RORA: variants seen among roughly 807,000 people sequenced by gnomAD.
RORA encodes the protein nuclear receptor ROR-alpha.
RORA carries 7 observed loss-of-function variants against 69.5 expected under a neutral mutation model. That is an observed-to-expected ratio of 0.10 (90% confidence interval 0.06 to 0.19). The LOEUF is 0.19. Ranked by LOEUF, RORA falls within the 10% of genes least tolerant of loss-of-function variation. The pLI is 1.00. For synonymous variants in RORA, 261 were observed against 240.8 expected (o/e 1.08, Z -0.78); for missense variants, 457 against 663.0 (o/e 0.69, Z 3.41).
intron 1 of RORA, among the ~76,000 whole-genome samples, chr15:61,150,833 A>AT (rs1171208705): frequency 2.6e-5 from 4 of 152,154 alleles, no homozygotes; most frequent in Non-Finnish European, 5.9e-5. Flanking sequence ...GAAAATTGCC[A>AT]TTTCTCTACT....
chr15:60,699,369 GA>G (rs2070950076), intron 1 of RORA, among the ~76,000 whole-genome samples: 1 of 152,014 alleles, frequency 6.6e-6, no homozygotes, highest in African/African-American at 2.4e-5. Context: ...AGCTTGCACA[GA>G]AATTGTTTCA....
At chr15:61,010,102 G>A (rs1050355247) in intron 1 of RORA, among the ~76,000 whole-genome samples, 1 of 152,144 alleles carries the variant, frequency 6.6e-6, no homozygotes, top group Non-Finnish European at 1.5e-5. Flanking sequence ...TACCACATAT[G>A]CTTTGGGTTA....
rs915868699 is a variant in RORA, at chr15:60,503,448, C to G, written c.1075+87G>C. 7.2e-6 allele frequency: 10 copies of G among 1,389,824 alleles called. No homozygotes were observed. The African/African-American group carries it at 1.0e-4, about 14-fold the overall frequency. The allele number at this position is 1,389,824 out of a possible 1,614,324, so 86.1% of individuals were successfully genotyped here. A position where few individuals can be genotyped will look rare whatever the true frequency, so the allele number is the denominator to read the frequency against. ...ATTATCATTGGAGAAAAACTGTTCC[C>G]GACACCTTCCTTACCAAGCATTTCT... On this transcript the variant is annotated intron_variant, in intron 7 of 10. Coordinates refer to ENST00000335670, the MANE Select transcript of RORA (RefSeq NM_134261.3).
At chr15:61,040,154 ATATATATAT>A (rs1566958447) in intron 1 of RORA, among the ~76,000 whole-genome samples, 7 of 126,030 alleles carry the variant, frequency 5.6e-5, no homozygotes, top group African/African-American at 1.8e-4. Context: ...ATATATATAT[ATATATATAT>A]AAAATATATG....
rs1291182268 is a variant in RORA, at chr15:61,226,872, G to A, written c.166+2181C>T. ...GGGGCTGGTTCAAAGAATGAGTTGG[G>A]GTGGGGGCAGAGGGTGGGGGGAAGG... On this transcript the variant is annotated intron_variant, in intron 1 of 10. Coordinates refer to ENST00000335670, the MANE Select transcript of RORA (RefSeq NM_134261.3). The surrounding 1 kb of genome is among the most constrained non-coding windows in gnomAD (Gnocchi z 4.2). Among the ~76,000 whole-genome samples, 1 of 152,068 alleles carries A rather than the reference G, an allele frequency of 6.6e-6. No individual in the cohort carries two copies. Among genetic ancestry groups the A allele is most frequent in the Non-Finnish European group, 1.5e-5 (1 of 68,002 alleles).
intron 1 of RORA, among the ~76,000 whole-genome samples, chr15:61,002,550 T>C (rs1305842685): frequency 6.6e-6 from 1 of 152,180 alleles, no homozygotes; most frequent in Admixed American, 6.6e-5. Context: ...ATTAAAGGGA[T>C]TGTATTATAT....
chr15:60,935,239 GC>G (rs1892486651), intron 1 of RORA, among the ~76,000 whole-genome samples: 1 of 152,204 alleles, frequency 6.6e-6, no homozygotes, highest in Non-Finnish European at 1.5e-5. Context: ...TAACCCATTT[GC>G]CTGTAATTGG....
intron 1 of RORA, among the ~76,000 whole-genome samples, chr15:61,106,112 A>G (rs2078946151): frequency 6.6e-6 from 1 of 152,228 alleles, no homozygotes; most frequent in Non-Finnish European, 1.5e-5. Context: ...TGTTTCTTAA[A>G]GGGCCCTAAA....
intron 1 of RORA, among the ~76,000 whole-genome samples, chr15:61,199,920 A>G (rs1349750808): frequency 6.6e-6 from 1 of 152,198 alleles, no homozygotes; most frequent in East Asian, 1.9e-4. Context: ...CACCTGGGTG[A>G]AGGGTGGAGG....
intron 1 of RORA, among the ~76,000 whole-genome samples, chr15:60,839,334 A>G (rs1237135097): frequency 6.6e-6 from 1 of 152,236 alleles, no homozygotes; most frequent in East Asian, 1.9e-4. Flanking sequence ...TTGAAATTAC[A>G]TATTGACCAT....
In RORA at chr15:61,226,010, T is replaced by C. The variant is rs12900971; in HGVS notation, c.166+3043A>G. Among the ~76,000 whole-genome samples, 75,406 of 152,006 alleles carry C rather than the reference T, an allele frequency of 0.5. 21,543 individuals carry two copies. Among genetic ancestry groups the C allele is most frequent in the South Asian group, 0.65 (3,120 of 4,812 alleles). Reference sequence around the variant, plus strand: ...CAGCAGTTTTATGGACAGGGGAAGGTCGTCTTTCAGATTATAAAGTCACAC... The same window carrying C: ...CAGCAGTTTTATGGACAGGGGAAGGCCGTCTTTCAGATTATAAAGTCACAC... On this transcript the variant is annotated intron_variant, in intron 1 of 10. Coordinates refer to ENST00000335670, the MANE Select transcript of RORA (RefSeq NM_134261.3). The surrounding 1 kb of genome is among the most constrained non-coding windows in gnomAD (Gnocchi z 4.2).
At chr15:60,848,851 A>G (rs1246707254) in intron 1 of RORA, 1 of 152,204 alleles carries the variant, frequency 6.6e-6, no homozygotes, top group Admixed American at 6.5e-5. Flanking sequence ...TTCACCTCCC[A>G]CTAGGCCCCT....
intron 2 of RORA, among the ~76,000 whole-genome samples, chr15:60,635,492 T>C (rs972678300): frequency 1.3e-5 from 2 of 152,222 alleles, no homozygotes; most frequent in African/African-American, 4.8e-5. Context: ...GGTTGTCAAG[T>C]TGTCATCTTT....
At chr15:60,860,394 G>A (rs545128453) in intron 1 of RORA, among the ~76,000 whole-genome samples, 1 of 152,302 alleles carries the variant, frequency 6.6e-6, no homozygotes, top group South Asian at 2.1e-4. Flanking sequence ...CTTCGAGATT[G>A]TGCCAAACCT....
intron 2 of RORA, among the ~76,000 whole-genome samples, chr15:60,603,636 C>T (rs1406665950): frequency 6.6e-6 from 1 of 152,198 alleles, no homozygotes; most frequent in African/African-American, 2.4e-5. Flanking sequence ...TGTTTAAAGA[C>T]ATCTTATTTA....
intron 1 of RORA, among the ~76,000 whole-genome samples, chr15:60,941,033 T>A (rs1345834635): frequency 6.6e-6 from 1 of 152,216 alleles, no homozygotes; most frequent in Non-Finnish European, 1.5e-5. Context: ...ATAGCAGACC[T>A]GCAAGAAAGA....
intron 1 of RORA, among the ~76,000 whole-genome samples, chr15:60,988,057 C>T (rs1595863484): frequency 6.6e-6 from 1 of 152,368 alleles, no homozygotes; most frequent in East Asian, 1.9e-4. Flanking sequence ...TCACACTGCT[C>T]TGCCTTCACT....
In RORA at chr15:60,511,814, C is replaced by G. The variant is rs1392849919; in HGVS notation, c.425-193G>C. ...CTCGCTCCAGCTCCCCAACAGCAAA[C>G]ACACATCCCAGAGAAACTCATGTTT... On this transcript the variant is annotated intron_variant, in intron 4 of 10. Coordinates refer to ENST00000335670, the MANE Select transcript of RORA (RefSeq NM_134261.3). This position sits in a 1 kb window ranked among gnomAD's most constrained non-coding sequence, Gnocchi z 6.4. 6.6e-6 allele frequency among the ~76,000 whole-genome samples: 1 copy of G among 152,128 alleles called. No individual in the cohort carries two copies. The highest frequency in any genetic ancestry group is 2.4e-5 in the African/African-American group (1 of 41,424).
chr15:61,112,385 G>T (rs754249692), intron 1 of RORA, among the ~76,000 whole-genome samples: 5 of 152,138 alleles, frequency 3.3e-5, no homozygotes, highest in Non-Finnish European at 5.9e-5. Flanking sequence ...GGGAGAGTAG[G>T]AGAGTGTGCG....
Sources: gnomAD v4.1 joint callset for allele counts (sites outside exome capture counted in the v4.1 genomes callset) on GRCh38, gnomAD v4.1.1 for gene constraint, Gnocchi (gnomAD v3.1) non-coding constraint, MANE v1.5 for transcripts, NCBI Gene and HGNC (gene_info 2026-07-23, HGNC 2026-07-21) for gene names.